PSG9: variants seen among roughly 807,000 people sequenced by gnomAD.
PSG9 encodes the protein pregnancy specific beta-1-glycoprotein 9, also known as pregnancy-specific beta-1-glycoprotein 9.
PSG9 carries 49 observed loss-of-function variants against 41.9 expected under a neutral mutation model. The observed-to-expected ratio is 1.17, with a 90% confidence interval of 0.93 to 1.48. The LOEUF is 1.48. PSG9 is among the 40% of genes most tolerant of loss of function. The pLI is 0.00. For missense variants in PSG9, 641 were observed against 520.3 expected, an observed-to-expected ratio of 1.23 and a Z score of -2.26; for synonymous variants, 263 against 196.8, an observed-to-expected ratio of 1.34 and a Z score of -2.82.
chr19:43,253,646 C>T lies in PSG9; in HGVS notation c.1244G>A (p.Gly415Asp), dbSNP rs144655940. 1.7e-6 allele frequency: 2 copies of T among 1,190,304 alleles called. No individual in the cohort carries two copies. Among genetic ancestry groups the T allele is most frequent in the Non-Finnish European group, 1.2e-6 (1 of 819,634 alleles). The allele number at this position is 1,190,304 out of a possible 1,614,324, so 73.7% of individuals were successfully genotyped here. A position where few individuals can be genotyped will look rare whatever the true frequency, so the allele number is the denominator to read the frequency against. Residue 415 changes from glycine (G) to aspartate (D), a missense_variant and splice_region_variant, in exon 6 of 6, where the codon GGT becomes GAT. Transcript: ENST00000270077. ...CTCTGTCAGGTCTCCATGGCAGGGACCTGATTGACAGAAGGCCCAGGTCAG... is the reference window on the plus strand; with the variant it reads ...CTCTGTCAGGTCTCCATGGCAGGGATCTGATTGACAGAAGGCCCAGGTCAG... ...ISKSMTVKVS[G>D]PCHGDLTESQ...
chr19:43,268,122 G>A lies in PSG9; in HGVS notation c.92C>T (p.Pro31Leu). The A allele has an allele frequency of 5.0e-6, 8 of 1,610,520 alleles. No homozygotes were observed. Among genetic ancestry groups the A allele is most frequent in the Non-Finnish European group, 1.7e-6 (2 of 1,178,174 alleles). The change falls in exon 2 of 6, where the codon CCC (proline) becomes CTC (leucine). Residue 31 changes from proline (P) to leucine (L), a missense_variant. Physicochemically the swap from Pro to Leu is moderately conservative, Grantham distance 98. Transcript: ENST00000270077. ...TTCAATCGTGACTTCGGCAGTGGTG[G>A]GCGGGTTCCAGAAGTTTAAAAGTGA... ...TASLLNFWNP[P>L]TTAEVTIEAQ...
chr19:43,262,522 G>C (rs1428911693), intron 2 of PSG9, among the ~76,000 whole-genome samples: 2 of 152,084 alleles, frequency 1.3e-5, no homozygotes, highest in African/African-American at 4.8e-5. Flanking sequence ...GTCTTACTTT[G>C]CCCCCTGAGG....
chr19:43,262,428 G>C (rs545878197), intron 2 of PSG9, among the ~76,000 whole-genome samples: 1 of 152,146 alleles, frequency 6.6e-6, no homozygotes, highest in Non-Finnish European at 1.5e-5. Context: ...ATGCCTCTTT[G>C]AGTCCCTCCG....
chr19:43,265,301 A>G (rs1235786482), intron 2 of PSG9, among the ~76,000 whole-genome samples: 2 of 152,178 alleles, frequency 1.3e-5, no homozygotes, highest in African/African-American at 4.8e-5. Flanking sequence ...CTCCGATGTC[A>G]TTTGGCAAGA....
rs776880683 is a variant in PSG9 at position 43,258,476 on chromosome 19, G to C, written c.989-20C>G. The C allele has an allele frequency of 5.2e-6, 8 of 1,544,904 alleles. No homozygotes were observed. Among genetic ancestry groups the C allele is most frequent in the Non-Finnish European group, 5.2e-6 (6 of 1,153,752 alleles). On this transcript the variant is annotated intron_variant, in intron 4 of 5. Coordinates refer to ENST00000270077, the MANE Select transcript of PSG9 (RefSeq NM_002784.5). ...GACCATCTGGAGGAAAGAGAATAAA[G>C]CCACACGTGATGTCATTCGAGGGAA...
At chr19:43,264,788 G>C (rs760103976) in intron 2 of PSG9, among the ~76,000 whole-genome samples, 1 of 152,154 alleles carries the variant, frequency 6.6e-6, no homozygotes, top group Non-Finnish European at 1.5e-5. Flanking sequence ...TGACTTTTGA[G>C]ATTGTTCAGC....
chr19:43,257,927 C>G, intron 5 of PSG9: 1 of 1,415,486 alleles, frequency 7.1e-7, no homozygotes, highest in Non-Finnish European at 9.2e-7. Flanking sequence ...CTTCTTGTCC[C>G]TCTCTGAAGC....
intron 5 of PSG9, chr19:43,257,622 T>C (rs1485706712): frequency 5.0e-6 from 5 of 1,000,316 alleles, no homozygotes; most frequent in Non-Finnish European, 5.9e-6. Context: ...CAGCTCAATT[T>C]AGCCAAATTC....
intron 2 of PSG9, 141 bp from the exon 3 acceptor site, chr19:43,262,279 A>G: frequency 6.8e-7 from 1 of 1,470,840 alleles, no homozygotes; most frequent in Non-Finnish European, 9.1e-7. Context: ...GTGTTACAAG[A>G]CAGATGCATG....
At position 43,258,829 on chromosome 19, in the gene PSG9, G is replaced by T. The variant is rs377053921; in HGVS notation, c.988+28C>A. 507 of 1,584,638 alleles carry T rather than the reference G, an allele frequency of 3.2e-4. 32 individuals are homozygous for T. The highest frequency in any genetic ancestry group is 4.1e-4 in the Non-Finnish European group (481 of 1,171,264). ...TCGTTTGGACTTAAGCTGGTGTCCT[G>T]GCCCACAGAGGAACAAAAGATACTC... is the stretch of plus-strand genomic sequence containing the variant. On this transcript the variant is annotated intron_variant, in intron 4 of 5. Coordinates refer to ENST00000270077, the MANE Select transcript of PSG9 (RefSeq NM_002784.5).
chr19:43,268,997 T>C (rs1969118638), intron 1 of PSG9, among the ~76,000 whole-genome samples: 1 of 151,954 alleles, frequency 6.6e-6, no homozygotes, highest in Non-Finnish European at 1.5e-5. Context: ...CAACAGAGCC[T>C]TCTTTCCTTT....
chr19:43,259,315 C>T, intron 3 of PSG9, 180 bp from the exon 4 acceptor site: 3 of 1,198,802 alleles, frequency 2.5e-6, no homozygotes, highest in Middle Eastern at 2.9e-4. Flanking sequence ...GACTGTGAGG[C>T]CGCCTGCTCT....
rs1034421128 is a variant in PSG9 at position 43,263,876 on chromosome 19, G to T, written c.431-1738C>A. 5.3e-5 allele frequency among the ~76,000 whole-genome samples: 8 copies of T among 152,140 alleles called. 1 individual carries two copies. Among genetic ancestry groups the T allele is most frequent in the Non-Finnish European group, 1.2e-4 (8 of 68,006 alleles). On this transcript the variant is annotated intron_variant, in intron 2 of 5. Transcript: ENST00000270077. ...AGGGAGGAAGGATGCCAAATTAAAA[G>T]AAGTGATGTGTGTTATGTTAGTAAA...
In PSG9 at chr19:43,254,949, G is replaced by C. The variant is rs1282852745; in HGVS notation, c.1244-1303C>G. Among the ~76,000 whole-genome samples the C allele has an allele frequency of 3.5e-5, 5 of 143,722 alleles. 1 individual carries two copies. The highest frequency in any genetic ancestry group is 5.4e-5 in the African/African-American group (2 of 37,218). 94.3% of individuals were successfully genotyped at this position (143,722 alleles called of 152,430 possible). A position where few individuals can be genotyped will look rare whatever the true frequency, so the allele number is the denominator to read the frequency against. On this transcript the variant is annotated intron_variant, in intron 5 of 5. Transcript: ENST00000270077. ...CAAAAAAATAAAAAAAAATTAGCTG[G>C]GCATGGTGACATGCACCTGTAGTCC...
In PSG9 at chr19:43,262,256, A is replaced by G. The variant is rs1436666339; in HGVS notation, c.431-118T>C. On this transcript the variant is annotated intron_variant, in intron 2 of 5. Transcript: ENST00000270077. ...AGCCCAACCCAGTCCTTAAAAGCCC[A>G]TGGCAGGTGTGTGTGTTACAAGACA... 70 of 1,509,868 alleles carry G rather than the reference A, an allele frequency of 4.6e-5. 1 individual carries two copies. Among genetic ancestry groups the G allele is most frequent in the Non-Finnish European group, 5.9e-5 (67 of 1,127,648 alleles). 93.5% of individuals were successfully genotyped at this position (1,509,868 alleles called of 1,614,324 possible). A position where few individuals can be genotyped will look rare whatever the true frequency, so the allele number is the denominator to read the frequency against.
intron 2 of PSG9, among the ~76,000 whole-genome samples, chr19:43,267,454 C>A (rs1969025506): frequency 6.6e-6 from 1 of 152,094 alleles, no homozygotes; most frequent in South Asian, 2.1e-4. Context: ...TCAAGCCAAG[C>A]CCTACTCAGT....
chr19:43,267,676 A>G, intron 2 of PSG9, 108 bp downstream of exon 2: 4 of 1,551,992 alleles, frequency 2.6e-6, no homozygotes, highest in Non-Finnish European at 3.6e-6. Flanking sequence ...AGCATGGGAC[A>G]TAATGCAGAG....
intron 1 of PSG9, 112 bp from the exon 2 acceptor site, chr19:43,268,261 C>CA: frequency 7.2e-7 from 1 of 1,386,764 alleles, no homozygotes; most frequent in East Asian, 2.3e-5. Context: ...AAGATACACA[C>CA]ACGCACACAT....
At position 43,258,285 on chromosome 19, in the gene PSG9, T is replaced by C. The variant is rs761290837; in HGVS notation, c.1160A>G (p.Asn387Ser). Reference protein sequence around the residue: ...QKLFIPQITRNHSGLYACSVH... With the variant: ...QKLFIPQITRSHSGLYACSVH... Reference sequence around the variant, plus strand: ...AGAGCAAGCATAGAGCCCGCTATGATTTCTAGTAATTTGGGGGATAAAGAG... The same window carrying C: ...AGAGCAAGCATAGAGCCCGCTATGACTTCTAGTAATTTGGGGGATAAAGAG... Residue 387 changes from asparagine (N) to serine (S), a missense_variant, in exon 5 of 6, where the codon AAT becomes AGT. Asn to Ser is a conservative substitution (Grantham distance 46, BLOSUM62 1). Coordinates refer to ENST00000270077, the MANE Select transcript of PSG9 (RefSeq NM_002784.5). 1.2e-5 allele frequency: 19 copies of C among 1,592,630 alleles called. No homozygotes were observed. The highest frequency in any genetic ancestry group is 1.5e-5 in the Non-Finnish European group (18 of 1,174,430).
Sources: gnomAD v4.1 joint callset for allele counts (sites outside exome capture counted in the v4.1 genomes callset) on GRCh38, gnomAD v4.1.1 for gene constraint, MANE v1.5 for transcripts, NCBI Gene and HGNC (gene_info 2026-07-23, HGNC 2026-07-21) for gene names.